The following UPRT variants were observed in gnomAD, a reference collection of about 807,000 sequenced individuals.
UPRT encodes RP11-311P8.3.
UPRT carries 5 observed loss-of-function variants against 22.6 expected under a neutral mutation model. The ratio of observed to expected loss-of-function variants is 0.22; its 90% CI spans 0.12 to 0.47. The LOEUF (loss-of-function observed/expected upper bound fraction) is 0.47, where lower values mean the gene tolerates loss of function less well. UPRT is among the 20% of genes least tolerant of loss of function. The probability of loss-of-function intolerance (pLI) is 0.99; values close to 1 mark genes in which losing one functional copy is unlikely to be tolerated. For missense variants in UPRT, 181 were observed against 239.9 expected (o/e 0.75, Z 1.62); for synonymous variants, 77 against 87.7 (o/e 0.88, Z 0.68).
intron 4 of UPRT, among the ~76,000 whole-genome samples, chrX:75,173,176 G>A (rs1460702573): frequency 2.7e-5 from 3 of 112,147 alleles, no homozygotes; most frequent in Admixed American, 9.4e-5. Flanking sequence ...ACAGAGTGTC[G>A]ATTGGTGCAT....
intron 4 of UPRT, among the ~76,000 whole-genome samples, chrX:75,258,452 A>G (rs902400396): frequency 1.8e-5 from 2 of 110,450 alleles, no homozygotes; most frequent in African/African-American, 3.3e-5. Context: ...GGCATCTCCC[A>G]CTGCTGAGGC....
intron 4 of UPRT, among the ~76,000 whole-genome samples, chrX:75,298,138 C>T (rs2082732422): frequency 9.2e-6 from 1 of 108,285 alleles, no homozygotes; most frequent in East Asian, 2.9e-4. Context: ...GCCACTATAC[C>T]TAGCAAATTA....
chrX:75,177,101 C>T (rs1001421073), intron 4 of UPRT, among the ~76,000 whole-genome samples: 3 of 111,420 alleles, frequency 2.7e-5, no homozygotes, highest in Non-Finnish European at 3.8e-5. Flanking sequence ...TGCCCAAGAA[C>T]CTGCAATGGT....
intron 4 of UPRT, among the ~76,000 whole-genome samples, chrX:75,216,903 C>T (rs890664529): frequency 5.4e-5 from 6 of 111,395 alleles, no homozygotes; most frequent in Admixed American, 1.9e-4. Context: ...TACAGGCGCC[C>T]GCCACCATGC....
chrX:75,276,845 C>T (rs1459508203), intron 1 of UPRT, among the ~76,000 whole-genome samples: 1 of 111,403 alleles, frequency 9.0e-6, no homozygotes, highest in African/African-American at 3.3e-5. Context: ...TTGTCATCAC[C>T]CCAGCAAGAA....
At chrX:75,296,836 G>T (rs1325081890) in intron 3 of UPRT, among the ~76,000 whole-genome samples, 9 of 111,666 alleles carry the variant, frequency 8.1e-5, no homozygotes, top group Non-Finnish European at 1.3e-4. Context: ...ATTGGAGAAG[G>T]TGCTTTGTTC....
At position 75,196,739 on chromosome X, in the gene UPRT, C is replaced by T. The variant is rs761841478; in HGVS notation, c.-447+28860C>T. Among the ~76,000 whole-genome samples the T allele has an allele frequency of 7.2e-5, 8 of 110,929 alleles. No individual in the cohort carries two copies. In the South Asian group the frequency reaches 2.7e-3, roughly 37 times the overall value. On this transcript the variant is annotated intron_variant, in intron 4 of 13. Transcript: ENST00000652605. ...GCACGTGCTTATAATCCCAGCCACT[C>T]GGGAGGCTGAGGCATGAGAATCACT...
chrX:75,165,963 T>C (rs1025411306), intron 3 of UPRT, among the ~76,000 whole-genome samples: 4 of 111,712 alleles, frequency 3.6e-5, no homozygotes, highest in Non-Finnish European at 7.5e-5. Context: ...GTTTCTGAAA[T>C]ATAACTTATT....
chrX:75,232,863 C>A (rs1250017944), intron 4 of UPRT, among the ~76,000 whole-genome samples: 2 of 111,360 alleles, frequency 1.8e-5, no homozygotes, highest in African/African-American at 6.5e-5. Context: ...ACTGGAAACT[C>A]TAAAAAGCAG....
In UPRT at chrX:75,303,555, G is replaced by A; in HGVS notation, c.*44G>A. On this transcript the variant is annotated 3_prime_UTR_variant, in exon 7 of 7. Transcript: ENST00000373383. ...TTATCTTATGTAATATTACAATCATGTTTTGATTTTCTATTTGTTTTACTG... is the reference window on the plus strand; with the variant it reads ...TTATCTTATGTAATATTACAATCATATTTTGATTTTCTATTTGTTTTACTG... 1 of 1,007,983 alleles carries A rather than the reference G, an allele frequency of 9.9e-7. No individual in the cohort carries two copies. Among genetic ancestry groups the A allele is most frequent in the African/African-American group, 1.9e-5 (1 of 51,543 alleles). The allele number at this position is 1,007,983 out of a possible 1,213,427, so 83.1% of individuals were successfully genotyped here.
At chrX:75,277,370 A>G (rs1466772414) in intron 1 of UPRT, among the ~76,000 whole-genome samples, 2 of 110,831 alleles carry the variant, frequency 1.8e-5, no homozygotes, top group Non-Finnish European at 3.8e-5. Flanking sequence ...AGTCAGAAAA[A>G]CCTGGGTTAT....
At chrX:75,269,833 A>T (rs1388605624), upstream of UPRT, among the ~76,000 whole-genome samples, 1 of 111,822 alleles carries the variant, frequency 8.9e-6, no homozygotes, top group African/African-American at 3.2e-5. Flanking sequence ...ACCATTCAGG[A>T]CATAGGCATG....
chrX:75,190,703 C>T (rs1439000796), intron 4 of UPRT, among the ~76,000 whole-genome samples: 2 of 111,585 alleles, frequency 1.8e-5, no homozygotes, highest in Non-Finnish European at 3.8e-5. Flanking sequence ...CTCTAAACTT[C>T]TCTTCTCGCT....
intron 1 of UPRT, among the ~76,000 whole-genome samples, chrX:75,157,671 G>T (rs781327761): frequency 7.1e-5 from 8 of 111,976 alleles, no homozygotes; most frequent in Non-Finnish European, 1.3e-4. Context: ...AAGTGAGAAG[G>T]TTGGATTGGA....
At chrX:75,238,626 T>C (rs2082478142) in intron 4 of UPRT, among the ~76,000 whole-genome samples, 1 of 111,567 alleles carries the variant, frequency 9.0e-6, no homozygotes, top group Non-Finnish European at 1.9e-5. Flanking sequence ...TTAACAGATA[T>C]ATACAGAACA....
chrX:75,291,857 C>A (rs897633230), intron 1 of UPRT, among the ~76,000 whole-genome samples: 6 of 110,969 alleles, frequency 5.4e-5, no homozygotes, highest in Admixed American at 3.8e-4. Flanking sequence ...ACAGTGTGTA[C>A]CTTTTTTGGA....
At chrX:75,300,816 TA>T in intron 5 of UPRT, 50 bp from the exon 6 acceptor site, 1 of 1,033,515 alleles carries the variant, frequency 9.7e-7, no homozygotes, top group Non-Finnish European at 1.3e-6. Context: ...AAAAGACATT[TA>T]AAAATGAATG....
At chrX:75,194,255 C>A (rs771508338) in intron 4 of UPRT, among the ~76,000 whole-genome samples, 1 of 111,944 alleles carries the variant, frequency 8.9e-6, no homozygotes, top group South Asian at 3.8e-4. Flanking sequence ...TCCTGAATTG[C>A]ATGCTCTAAC....
In UPRT at chrX:75,214,956, A is replaced by AACACAC. The variant is rs56673150; in HGVS notation, c.-447+47115_-447+47120dup. Among the ~76,000 whole-genome samples the AACACAC allele has an allele frequency of 2.9e-3, 288 of 99,033 alleles. 1 individual carries two copies. The highest frequency in any genetic ancestry group is 0.01 in the African/African-American group (260 of 24,912). The allele number at this position is 99,033 out of a possible 115,157, so 86.0% of individuals were successfully genotyped here. On this transcript the variant is annotated intron_variant, in intron 4 of 13. Transcript: ENST00000652605. ...GGTAGATCTTATATTAAGTATTCTCAACACACACACACACACACACACACA... is the reference window on the plus strand; with the variant it reads ...GGTAGATCTTATATTAAGTATTCTCAACACACACACACACACACACACACACACACA...
Sources: allele counts gnomAD v4.1 joint callset (sites outside exome capture counted in the v4.1 genomes callset), GRCh38; gene constraint gnomAD v4.1.1; transcripts MANE v1.5; gene names NCBI Gene and HGNC (gene_info 2026-07-23, HGNC 2026-07-21).